The following TREM1 variants were observed in gnomAD, a reference collection of about 807,000 sequenced individuals.
TREM1 encodes the protein triggering receptor expressed on monocytes 1.
Under a neutral mutation model 22.4 loss-of-function variants are expected in TREM1, and 16 were observed. The observed-to-expected ratio is 0.71, with a 90% confidence interval of 0.48 to 1.08. TREM1 has a LOEUF of 1.08. Ranked by LOEUF, TREM1 falls within the 50% of genes least tolerant of loss-of-function variation. TREM1 has a pLI of 0.00. For missense variants in TREM1, 283 were observed against 282.9 expected, an observed-to-expected ratio of 1.00 and a Z score of 0.00; for synonymous variants, 110 against 111.6, an observed-to-expected ratio of 0.99 and a Z score of 0.09.
At chr6:41,268,873 G>C (rs1767403493), downstream of TREM1, among the ~76,000 whole-genome samples, 1 of 152,210 alleles carries the variant, frequency 6.6e-6, no homozygotes, top group Non-Finnish European at 1.5e-5. Context: ...TTTGTAATCA[G>C]CCTGTCAGTG....
intron 1 of TREM1, among the ~76,000 whole-genome samples, chr6:41,284,339 T>C (rs1176469997): frequency 6.6e-6 from 1 of 152,178 alleles, no homozygotes; most frequent in Non-Finnish European, 1.5e-5. Context: ...TAGTGCCATG[T>C]TTGAGAACCC....
intron 1 of TREM1, 88 bp downstream of exon 1, chr6:41,286,519 G>T: frequency 6.9e-7 from 1 of 1,442,446 alleles, no homozygotes; most frequent in Non-Finnish European, 9.7e-7. Flanking sequence ...ATCTTGGATG[G>T]CCCTGTGCTC....
chr6:41,271,906 C>T (rs2062323), downstream of TREM1, among the ~76,000 whole-genome samples: 40,735 of 152,066 alleles, frequency 0.27, 6,042 homozygotes, highest in East Asian at 0.48. Context: ...CCCCAGCCTG[C>T]TTACCCACTC....
At chr6:41,284,316 C>T (rs1241361744) in intron 1 of TREM1, among the ~76,000 whole-genome samples, 1 of 152,176 alleles carries the variant, frequency 6.6e-6, no homozygotes, top group African/African-American at 2.4e-5. Context: ...AATCATCCCA[C>T]CCCAAATGTC....
At chr6:41,281,330 C>T in intron 2 of TREM1, 177 bp from the exon 3 acceptor site, 1 of 740,868 alleles carries the variant, frequency 1.3e-6, no homozygotes. Flanking sequence ...CAAAGTTTTC[C>T]TTTGCTAAAG....
At chr6:41,271,454 T>C (rs1195305890), downstream of TREM1, among the ~76,000 whole-genome samples, 1 of 152,188 alleles carries the variant, frequency 6.6e-6, no homozygotes, top group Non-Finnish European at 1.5e-5. Context: ...CTTCTCCACA[T>C]TCCCTTCTGT....
intron 1 of TREM1, among the ~76,000 whole-genome samples, chr6:41,283,636 C>A (rs369393529): frequency 6.6e-6 from 1 of 151,942 alleles, no homozygotes; most frequent in Non-Finnish European, 1.5e-5. Flanking sequence ...CACTTGAACC[C>A]GGGAGGTGGA....
chr6:41,276,281 C>G (rs572098675), intron 3 of TREM1, 51 bp from the exon 4 acceptor site: 20 of 1,371,422 alleles, frequency 1.5e-5, no homozygotes, highest in Non-Finnish European at 2.0e-5. Context: ...CTCTCCCACA[C>G]GCACATGTTC....
At position 41,275,225 on chromosome 6, in the gene TREM1, A is replaced by G. The variant is rs1767622106; in HGVS notation, c.*900T>C. On this transcript the variant is annotated 3_prime_UTR_variant, in exon 4 of 4. Transcript: ENST00000244709. ...GCCTCCAGAAGCCTCCCAGGGGGAG[A>G]GCTTTTACTCCACCATCCCTGACCC... is the stretch of plus-strand genomic sequence containing the variant. The G allele has an allele frequency of 6.6e-6, 1 of 152,036 alleles. No individual in the cohort carries two copies. Among genetic ancestry groups the G allele is most frequent in the Non-Finnish European group, 1.5e-5 (1 of 68,038 alleles). 9.4% of individuals were successfully genotyped at this position (152,036 alleles called of 1,614,324 possible). A position where few individuals can be genotyped will look rare whatever the true frequency, so the allele number is the denominator to read the frequency against.
intron 3 of TREM1, among the ~76,000 whole-genome samples, chr6:41,278,999 G>T (rs994037113): frequency 5.9e-5 from 9 of 152,126 alleles, no homozygotes; most frequent in Non-Finnish European, 1.3e-4. Flanking sequence ...ACTTTCTAAA[G>T]CTAAAACAAA....
intron 2 of TREM1, chr6:41,281,884 G>A (rs1338863462): frequency 6.2e-6 from 1 of 162,496 alleles, no homozygotes; most frequent in Non-Finnish European, 1.4e-5. Context: ...GACACAAAAT[G>A]AGCTCTGGAG....
At chr6:41,286,444 G>T (rs1768173433) in intron 1 of TREM1, among the ~76,000 whole-genome samples, 163 bp downstream of exon 1, 1 of 151,996 alleles carries the variant, frequency 6.6e-6, no homozygotes, top group African/African-American at 2.4e-5. Flanking sequence ...TTTGTGTGCA[G>T]ACACTGCATG....
Position 41,282,413 on chromosome 6 carries a change from G to T in TREM1, c.388C>A (p.Arg130Ser), listed in dbSNP as rs749632049. ...KEPHMLFDRIRLVVTKGFSGT... is the reference protein window; with the variant it reads ...KEPHMLFDRISLVVTKGFSGT... ...CACTCACCCTTGGTCACCACCAAGC[G>T]GATGCGATCGAACAGCATGTGAGGC... is the stretch of plus-strand genomic sequence containing the variant. Residue 130 changes from arginine to serine, a missense_variant, in exon 2 of 4, where the codon CGC (arginine) becomes AGC (serine). By Grantham distance (110) the Arg-to-Ser change is moderately radical (BLOSUM62 -1). Coordinates refer to ENST00000244709, the MANE Select transcript of TREM1 (RefSeq NM_018643.5). 6.2e-7 allele frequency: 1 copy of T among 1,611,898 alleles called. No homozygotes were observed. The highest frequency in any genetic ancestry group is 2.2e-5 in the East Asian group (1 of 44,808).
At chr6:41,280,426 A>T in intron 3 of TREM1, 1 of 991,614 alleles carries the variant, frequency 1.0e-6, no homozygotes, top group South Asian at 4.5e-5. Context: ...AATGTTATTT[A>T]AAAAACAATA....
In TREM1 at chr6:41,281,161, A is replaced by G. The variant is rs373570727; in HGVS notation, c.407-8T>C. 4 of 1,612,432 alleles carry G rather than the reference A, an allele frequency of 2.5e-6. No individual in the cohort carries two copies. In the African/African-American group the frequency reaches 4.0e-5, roughly 16 times the overall value. On this transcript the variant is annotated splice_polypyrimidine_tract_variant and splice_region_variant and intron_variant, in intron 2 of 3. Transcript: ENST00000244709. ...CAGGGGTCCCTGAAAAACCTGCAAG[A>G]AGACACATTGGATGGATGGATGGAC...
intron 1 of TREM1, among the ~76,000 whole-genome samples, chr6:41,284,873 G>A (rs992671855): frequency 6.6e-6 from 1 of 152,196 alleles, no homozygotes; most frequent in Admixed American, 6.5e-5. Context: ...GGAAACCTCG[G>A]AAACAGACCT....
chr6:41,286,154 G>A (rs7762163), intron 1 of TREM1, among the ~76,000 whole-genome samples: 8,074 of 152,212 alleles, frequency 0.053, 596 homozygotes, highest in African/African-American at 0.17. Context: ...GCCTCTTCTG[G>A]TCACGTCTGT....
chr6:41,278,098 TA>T (rs1248282413), intron 3 of TREM1, among the ~76,000 whole-genome samples: 6 of 137,910 alleles, frequency 4.4e-5, no homozygotes, highest in Admixed American at 3.9e-4. Flanking sequence ...ATTTTTTTAT[TA>T]TTTTTTTGTA....
At chr6:41,268,223 A>T in intron 3 of TREM1, 1 of 397,082 alleles carries the variant, frequency 2.5e-6, no homozygotes, top group Non-Finnish European at 4.4e-6. Context: ...TCTGTACGGG[A>T]TGCTGCTTCT....
Sources: gnomAD v4.1 joint callset for allele counts (sites outside exome capture counted in the v4.1 genomes callset) on GRCh38, gnomAD v4.1.1 for gene constraint, MANE v1.5 for transcripts, NCBI Gene and HGNC (gene_info 2026-07-23, HGNC 2026-07-21) for gene names.